Variants in TTC29 observed in about 807,000 individuals in gnomAD.
TTC29 encodes the protein tetratricopeptide repeat domain 29.
In TTC29, 49 loss-of-function variants were observed where a neutral mutation model predicts 58.1. That is an observed-to-expected ratio of 0.84 (90% CI 0.67 to 1.07). TTC29 has a LOEUF of 1.07. TTC29 is among the 50% of genes least tolerant of loss of function. The pLI is 0.00. For missense variants in TTC29, 582 were observed against 555.6 expected, an observed-to-expected ratio of 1.05 and a Z score of -0.48; for synonymous variants, 209 against 196.8, an observed-to-expected ratio of 1.06 and a Z score of -0.52.
At chr4:146,895,755 G>C (rs543875928) in intron 6 of TTC29, among the ~76,000 whole-genome samples, 1 of 152,204 alleles carries the variant, frequency 6.6e-6, no homozygotes, top group South Asian at 2.1e-4. Flanking sequence ...TTATGAATTT[G>C]TTTTATACTT....
At chr4:146,725,949 T>C (rs187993357) in intron 11 of TTC29, among the ~76,000 whole-genome samples, 25 of 152,304 alleles carry the variant, frequency 1.6e-4, no homozygotes, top group African/African-American at 6.0e-4. Context: ...TATAGTCCAC[T>C]GCAGCCTGCA....
At chr4:146,839,550 G>GTA (rs985928243) in intron 8 of TTC29, among the ~76,000 whole-genome samples, 2 of 150,032 alleles carry the variant, frequency 1.3e-5, no homozygotes, top group African/African-American at 4.9e-5. Flanking sequence ...GTGTGTGTGT[G>GTA]TGTGTGTGTG....
chr4:146,941,841 G>C (rs1736432596), intron 2 of TTC29, among the ~76,000 whole-genome samples: 1 of 152,162 alleles, frequency 6.6e-6, no homozygotes. Flanking sequence ...ACAGCAGAGA[G>C]GCCAGCCCAA....
chr4:146,813,258 T>C (rs897090051), intron 10 of TTC29, among the ~76,000 whole-genome samples: 1 of 152,236 alleles, frequency 6.6e-6, no homozygotes, highest in Non-Finnish European at 1.5e-5. Flanking sequence ...ACCATTCTTT[T>C]TAACTATGTC....
At chr4:146,797,536 TA>T in intron 11 of TTC29, among the ~76,000 whole-genome samples, 1 of 152,130 alleles carries the variant, frequency 6.6e-6, no homozygotes, top group East Asian at 1.9e-4. Context: ...GTTTGATGCT[TA>T]TTTTTTTTTA....
chr4:146,786,427 C>T (rs1214464572), intron 11 of TTC29, among the ~76,000 whole-genome samples: 1 of 152,196 alleles, frequency 6.6e-6, no homozygotes, highest in Non-Finnish European at 1.5e-5. Flanking sequence ...TTGGATGTCA[C>T]ATCACTTGTT....
chr4:146,708,404 A>G (rs1421361926), intron 11 of TTC29, among the ~76,000 whole-genome samples: 1 of 146,740 alleles, frequency 6.8e-6, no homozygotes, highest in Non-Finnish European at 1.5e-5. Flanking sequence ...AAACATATAT[A>G]TATAAAAACT....
intron 10 of TTC29, among the ~76,000 whole-genome samples, chr4:146,816,675 G>A (rs980512731): frequency 6.6e-6 from 1 of 152,014 alleles, no homozygotes; most frequent in African/African-American, 2.4e-5. Context: ...TAGATTTCAA[G>A]TAATAGGAGA....
chr4:146,910,279 C>G (rs976188238), intron 4 of TTC29, among the ~76,000 whole-genome samples: 1 of 151,822 alleles, frequency 6.6e-6, no homozygotes, highest in Non-Finnish European at 1.5e-5. Context: ...CTACCTACAT[C>G]ATGGGATTCC....
intron 8 of TTC29, among the ~76,000 whole-genome samples, chr4:146,843,086 G>A (rs182865253): frequency 1.3e-3 from 191 of 152,246 alleles, no homozygotes; most frequent in African/African-American, 3.5e-3. Flanking sequence ...AACAGGCTGA[G>A]GACCAGACTG....
At chr4:146,751,702 G>T (rs186398246) in intron 11 of TTC29, among the ~76,000 whole-genome samples, 2 of 152,086 alleles carry the variant, frequency 1.3e-5, no homozygotes, top group Admixed American at 1.3e-4. Flanking sequence ...ACCAAAAACC[G>T]TTCTAAGAGA....
At chr4:146,802,581 T>C (rs1750306328) in intron 11 of TTC29, among the ~76,000 whole-genome samples, 1 of 152,248 alleles carries the variant, frequency 6.6e-6, no homozygotes. Context: ...TTACAATTTA[T>C]TCTATGGAGG....
At chr4:146,755,732 C>T (rs1746391443) in intron 11 of TTC29, among the ~76,000 whole-genome samples, 1 of 151,498 alleles carries the variant, frequency 6.6e-6, no homozygotes, top group Non-Finnish European at 1.5e-5. Context: ...TGTTATATAC[C>T]TTAGATATAC....
intron 8 of TTC29, among the ~76,000 whole-genome samples, chr4:146,834,688 A>C (rs891552066): frequency 6.6e-6 from 1 of 152,170 alleles, no homozygotes; most frequent in East Asian, 1.9e-4. Flanking sequence ...ATTTTCTAAG[A>C]AAGAATTAGC....
intron 7 of TTC29, among the ~76,000 whole-genome samples, chr4:146,873,911 T>C (rs1412422546): frequency 1.3e-5 from 2 of 152,300 alleles, no homozygotes; most frequent in Non-Finnish European, 2.9e-5. Flanking sequence ...TAATAAACTT[T>C]AGTTCAGGAG....
intron 4 of TTC29, among the ~76,000 whole-genome samples, chr4:146,922,585 A>G (rs774280242): frequency 4.0e-5 from 6 of 151,808 alleles, no homozygotes; most frequent in Non-Finnish European, 8.9e-5. Context: ...TAAACCTGAC[A>G]ACATTTTTAA....
intron 11 of TTC29, among the ~76,000 whole-genome samples, chr4:146,728,810 T>G: frequency 7.9e-6 from 1 of 126,172 alleles, no homozygotes; most frequent in Non-Finnish European, 1.7e-5. Context: ...TATACACATA[T>G]ATATGTGTAT....
intron 4 of TTC29, among the ~76,000 whole-genome samples, chr4:146,914,959 T>C (rs1253514497): frequency 1.3e-5 from 2 of 152,156 alleles, no homozygotes; most frequent in African/African-American, 2.4e-5. Flanking sequence ...TTATAGTGTT[T>C]TAAAATTCTG....
chr4:146,828,439 CA>C (rs1489676653), intron 9 of TTC29, among the ~76,000 whole-genome samples: 1 of 151,884 alleles, frequency 6.6e-6, no homozygotes, highest in Non-Finnish European at 1.5e-5. Flanking sequence ...ATGGGGGAAA[CA>C]TGATGATTTC....
Sources: allele counts gnomAD v4.1 joint callset (sites outside exome capture counted in the v4.1 genomes callset), GRCh38; gene constraint gnomAD v4.1.1; transcripts MANE v1.5; gene names NCBI Gene and HGNC (gene_info 2026-07-23, HGNC 2026-07-21).